Variants in PDE10A observed in about 807,000 individuals in gnomAD.
PDE10A encodes the protein phosphodiesterase 10A.
Under a neutral mutation model 97.7 loss-of-function variants are expected in PDE10A, and 39 were observed. The ratio of observed to expected loss-of-function variants is 0.40; its 90% confidence interval spans 0.31 to 0.52. The LOEUF is 0.52. PDE10A is among the 20% of genes least tolerant of loss of function. PDE10A has a pLI of 0.56. For missense variants in PDE10A, 731 were observed against 1,047.8 expected (o/e 0.70, Z 4.17); for synonymous variants, 371 against 376.8 (o/e 0.98, Z 0.18).
intron 1 of PDE10A, among the ~76,000 whole-genome samples, chr6:165,789,961 G>C (rs1778603800): frequency 6.6e-6 from 1 of 151,870 alleles, no homozygotes; most frequent in Admixed American, 6.6e-5. Context: ...GTGAGGGAGA[G>C]GAAGAGAAAG....
At chr6:165,618,233 T>C (rs1321026466) in intron 1 of PDE10A, among the ~76,000 whole-genome samples, 1 of 152,202 alleles carries the variant, frequency 6.6e-6, no homozygotes, top group Non-Finnish European at 1.5e-5. Flanking sequence ...AATTGTGTAG[T>C]AATGGGATTT....
rs555916898 is a variant in PDE10A at position 165,889,844 on chromosome 6, A to T, written c.-615+97685T>A. Among the ~76,000 whole-genome samples, 3 of 118,878 alleles carry T rather than the reference A, an allele frequency of 2.5e-5. No homozygotes were observed. In the East Asian group the frequency reaches 7.6e-4, roughly 30 times the overall value. 78.0% of individuals were successfully genotyped at this position (118,878 alleles called of 152,430 possible). A position where few individuals can be genotyped will look rare whatever the true frequency, so the allele number is the denominator to read the frequency against. On this transcript the variant is annotated intron_variant, in intron 1 of 19. Coordinates refer to the PDE10A transcript ENST00000366882. ...CTCCTCCCTCCCTCTCGCCCCACTC[A>T]CTCCTCACTCCTCCCTCACTCACTC...
intron 1 of PDE10A, among the ~76,000 whole-genome samples, chr6:165,901,020 G>T (rs1382950391): frequency 6.6e-6 from 1 of 152,170 alleles, no homozygotes; most frequent in African/African-American, 2.4e-5. Context: ...GAGAGGGAGA[G>T]CCCAGGCTGC....
At chr6:165,806,683 G>A (rs1031808078) in intron 1 of PDE10A, among the ~76,000 whole-genome samples, 2 of 151,752 alleles carry the variant, frequency 1.3e-5, no homozygotes, top group Admixed American at 6.6e-5. Context: ...ACTTTGATGA[G>A]GTCCCCTTCA....
chr6:165,460,749 G>A (rs1417182985), intron 3 of PDE10A, among the ~76,000 whole-genome samples: 1 of 152,106 alleles, frequency 6.6e-6, no homozygotes, highest in East Asian at 1.9e-4. Flanking sequence ...AATTTATGGG[G>A]AAGAGATTTA....
intron 18 of PDE10A, among the ~76,000 whole-genome samples, chr6:165,347,660 T>A (rs116419553): frequency 0.011 from 1,723 of 152,270 alleles, 29 homozygotes; most frequent in African/African-American, 0.039. Flanking sequence ...ATAACTTTAA[T>A]CCAAATGGGA....
At chr6:165,476,018 A>G (rs1326416268) in intron 3 of PDE10A, among the ~76,000 whole-genome samples, 1 of 152,150 alleles carries the variant, frequency 6.6e-6, no homozygotes, top group African/African-American at 2.4e-5. Context: ...CCAACACACT[A>G]AACAGGAGGA....
At chr6:165,566,793 G>A (rs1000219980) in intron 1 of PDE10A, among the ~76,000 whole-genome samples, 1 of 152,150 alleles carries the variant, frequency 6.6e-6, no homozygotes, top group African/African-American at 2.4e-5. Flanking sequence ...ACTCTAGTAA[G>A]TGAAATATGA....
intron 1 of PDE10A, among the ~76,000 whole-genome samples, chr6:165,599,479 CT>C (rs1293310646): frequency 6.6e-6 from 1 of 152,126 alleles, no homozygotes; most frequent in Non-Finnish European, 1.5e-5. Context: ...TCTCTTCTGA[CT>C]TCTTGGAGTA....
intron 2 of PDE10A, among the ~76,000 whole-genome samples, chr6:165,520,096 C>T (rs1195915991): frequency 6.6e-6 from 1 of 152,154 alleles, no homozygotes; most frequent in Non-Finnish European, 1.5e-5. Context: ...TTTGAAGTGA[C>T]AATCACGATA....
intron 21 of PDE10A, among the ~76,000 whole-genome samples, chr6:165,335,523 A>C (rs534339699): frequency 2.2e-4 from 33 of 152,250 alleles, no homozygotes; most frequent in African/African-American, 7.9e-4. Context: ...CTGTGGCTGT[A>C]CGAGTCATGA....
chr6:165,810,959 C>T (rs1379235674), intron 1 of PDE10A, among the ~76,000 whole-genome samples: 1 of 152,200 alleles, frequency 6.6e-6, no homozygotes, highest in Non-Finnish European at 1.5e-5. Context: ...GATGTGGTGG[C>T]TCACACCTGT....
At chr6:165,411,452 G>A (rs1787823456) in intron 13 of PDE10A, among the ~76,000 whole-genome samples, 2 of 152,122 alleles carry the variant, frequency 1.3e-5, no homozygotes, top group African/African-American at 4.8e-5. Context: ...GAAACCATGT[G>A]AGGACACAGG....
intron 1 of PDE10A, among the ~76,000 whole-genome samples, chr6:165,762,928 A>G (rs1433951639): frequency 4.6e-5 from 7 of 152,184 alleles, no homozygotes; most frequent in Non-Finnish European, 1.5e-5. Flanking sequence ...AGGAGGAAGA[A>G]AAAAAAGAAA....
chr6:165,445,796 T>G (rs970510563), intron 5 of PDE10A, among the ~76,000 whole-genome samples: 1 of 151,896 alleles, frequency 6.6e-6, no homozygotes, highest in African/African-American at 2.4e-5. Context: ...CAGAAACAAA[T>G]GCATGTCTAT....
intron 1 of PDE10A, among the ~76,000 whole-genome samples, chr6:165,915,363 T>G (rs1386722895): frequency 6.6e-6 from 1 of 152,104 alleles, no homozygotes; most frequent in East Asian, 1.9e-4. Flanking sequence ...TAAAATAAAA[T>G]ATTAAAACCT....
intron 1 of PDE10A, among the ~76,000 whole-genome samples, chr6:165,908,401 A>G (rs546046404): frequency 6.6e-6 from 1 of 152,372 alleles, no homozygotes; most frequent in Non-Finnish European, 1.5e-5. Context: ...GGTTGGAGAA[A>G]CATGGAGAAA....
chr6:165,762,968 A>G (rs183189578), intron 1 of PDE10A, among the ~76,000 whole-genome samples: 146 of 152,292 alleles, frequency 9.6e-4, no homozygotes, highest in African/African-American at 3.1e-3. Context: ...TTACTTAACA[A>G]CTTTCAAAAG....
chr6:165,388,903 A>G lies in PDE10A; in HGVS notation c.2455-450T>C, dbSNP rs1171945710. On this transcript the variant is annotated intron_variant, in intron 16 of 21. Transcript: ENST00000539869. The surrounding 1 kb of genome is among the most constrained non-coding windows in gnomAD (Gnocchi z 4.0). ...ACAGGTAAATCATATCGCATGTAAA[A>G]ATGGCAAATATATAGAAAAAAAGGC... 2.0e-5 allele frequency among the ~76,000 whole-genome samples: 3 copies of G among 152,230 alleles called. No individual in the cohort carries two copies. Among genetic ancestry groups the G allele is most frequent in the Non-Finnish European group, 4.4e-5 (3 of 68,032 alleles).
Sources: gnomAD v4.1 joint callset for allele counts (sites outside exome capture counted in the v4.1 genomes callset) on GRCh38, gnomAD v4.1.1 for gene constraint, Gnocchi (gnomAD v3.1) non-coding constraint, MANE v1.5 for transcripts, NCBI Gene and HGNC (gene_info 2026-07-23, HGNC 2026-07-21) for gene names.